PTPRN2: variants seen among roughly 807,000 people sequenced by gnomAD.
PTPRN2 encodes the protein receptor-type tyrosine-protein phosphatase N2.
A neutral mutation model predicts 118.8 loss-of-function variants in PTPRN2; 74 were observed. That is an observed-to-expected ratio of 0.62 (90% CI 0.52 to 0.76). The LOEUF is 0.76. Ranked by LOEUF, PTPRN2 falls within the 30% of genes least tolerant of loss-of-function variation. The pLI, the probability that PTPRN2 is intolerant of heterozygous loss-of-function variation, is 0.00. For synonymous variants in PTPRN2, 641 were observed against 608.0 expected (o/e 1.05, Z -0.80); for missense variants, 1,481 against 1,394.4 (o/e 1.06, Z -0.99).
intron 11 of PTPRN2, among the ~76,000 whole-genome samples, chr7:158,038,074 C>T (rs1181610135): frequency 6.6e-6 from 1 of 152,218 alleles, no homozygotes; most frequent in Non-Finnish European, 1.5e-5. Flanking sequence ...CTACACAGCA[C>T]AGTCAACAGG....
rs534903557 is a variant in PTPRN2, at chr7:157,844,612, G to A, written c.1788+54061C>T. Among the ~76,000 whole-genome samples, 106 of 152,286 alleles carry A rather than the reference G, an allele frequency of 7.0e-4. 1 individual carries two copies. The South Asian group carries it at 0.021, about 29-fold the overall frequency. Reference sequence around the variant, plus strand: ...CTCTAGAAAGAGAAGGCCTTCCACAGCACGACCCCAGGGTGGTGATGAGGG... The same window carrying A: ...CTCTAGAAAGAGAAGGCCTTCCACAACACGACCCCAGGGTGGTGATGAGGG... On this transcript the variant is annotated intron_variant, in intron 12 of 22. Coordinates refer to ENST00000389418, the MANE Select transcript of PTPRN2 (RefSeq NM_002847.5).
rs1373878040 is a variant in PTPRN2, at chr7:157,682,801, C to T, written c.1925G>A (p.Ser642Asn). The T allele has an allele frequency of 1.2e-6, 2 of 1,614,002 alleles. No homozygotes were observed. Among genetic ancestry groups the T allele is most frequent in the Non-Finnish European group, 1.7e-6 (2 of 1,180,054 alleles). ...ASGLIYCLRH[S>N]SQHRLKEKLS... ...CTTCTCCTTCAGCCTGTGCTGAGAGCTATGGCGGAGGCAGTAGATGAGGCC... is the reference window on the plus strand; with the variant it reads ...CTTCTCCTTCAGCCTGTGCTGAGAGTTATGGCGGAGGCAGTAGATGAGGCC... The change falls in exon 13 of 23, where the codon AGC becomes AAC. Residue 642 changes from serine to asparagine, a missense_variant. This residue lies in a region of PTPRN2 where 1,115 missense variants were observed against 994.2 expected (regional missense o/e 1.12). Transcript: ENST00000389418.
chr7:157,941,736 T>C (rs1281358728), intron 11 of PTPRN2, among the ~76,000 whole-genome samples: 1 of 152,198 alleles, frequency 6.6e-6, no homozygotes, highest in Admixed American at 6.5e-5. Context: ...CTCCCTATGC[T>C]GGGCTCTGCA....
intron 12 of PTPRN2, among the ~76,000 whole-genome samples, chr7:157,740,101 C>A (rs925798401): frequency 6.6e-6 from 1 of 152,212 alleles, no homozygotes; most frequent in African/African-American, 2.4e-5. Context: ...GCCAGCAGGA[C>A]CCCTTCCTCC....
intron 22 of PTPRN2, among the ~76,000 whole-genome samples, chr7:157,545,187 GTGTC>G (rs1205352377): frequency 6.8e-6 from 1 of 146,300 alleles, no homozygotes; most frequent in Non-Finnish European, 1.5e-5. Flanking sequence ...GTGTTTGTGG[GTGTC>G]TGTGGGTGTG....
chr7:158,337,252 T>C (rs1468889682), intron 2 of PTPRN2, among the ~76,000 whole-genome samples: 1 of 150,874 alleles, frequency 6.6e-6, no homozygotes, highest in Admixed American at 6.6e-5. Context: ...CCATAAGAGC[T>C]GACACCTGCA....
intron 2 of PTPRN2, among the ~76,000 whole-genome samples, chr7:158,332,749 C>G (rs1804751004): frequency 6.6e-6 from 1 of 151,356 alleles, no homozygotes; most frequent in Non-Finnish European, 1.5e-5. Flanking sequence ...AGAGCTGAGG[C>G]CCACAGAGGA....
chr7:158,021,059 T>G (rs1315797397), intron 11 of PTPRN2, among the ~76,000 whole-genome samples: 1 of 152,200 alleles, frequency 6.6e-6, no homozygotes, highest in Non-Finnish European at 1.5e-5. Flanking sequence ...TTAAAGGCAT[T>G]TATTGCCCTG....
Position 157,674,895 on chromosome 7 carries a change from T to G in PTPRN2, c.2001+7830A>C, listed in dbSNP as rs771389500. ...GAGGCTCCAGGAGCTACCCGAGGCT[T>G]CTTCTCCTTGCCAACAACGATGCCC... On this transcript the variant is annotated intron_variant, in intron 13 of 22. Transcript: ENST00000389418. The surrounding 1 kb of genome is among the most constrained non-coding windows in gnomAD (Gnocchi z 4.5). Among the ~76,000 whole-genome samples, 1 of 152,094 alleles carries G rather than the reference T, an allele frequency of 6.6e-6. No homozygotes were observed.
At chr7:158,127,555 G>T (rs13437762) in intron 9 of PTPRN2, among the ~76,000 whole-genome samples, 52,792 of 152,000 alleles carry the variant, frequency 0.35, 9,427 homozygotes, top group Admixed American at 0.43. Flanking sequence ...CAGCACTGTG[G>T]CCGCCACCCC....
At chr7:158,164,597 G>A (rs1209672110) in intron 6 of PTPRN2, among the ~76,000 whole-genome samples, 2 of 152,188 alleles carry the variant, frequency 1.3e-5, no homozygotes, top group African/African-American at 4.8e-5. Flanking sequence ...TTCTCTCTGT[G>A]AGCTCACCCT....
intron 12 of PTPRN2, among the ~76,000 whole-genome samples, chr7:157,796,219 T>C (rs771094239): frequency 3.3e-5 from 5 of 152,270 alleles, no homozygotes; most frequent in Non-Finnish European, 7.3e-5. Flanking sequence ...ATTTTGTCTC[T>C]GCAAGTATTG....
intron 3 of PTPRN2, among the ~76,000 whole-genome samples, chr7:158,257,021 C>T (rs765915160): frequency 3.3e-4 from 50 of 152,266 alleles, no homozygotes; most frequent in Admixed American, 6.5e-4. Flanking sequence ...TTCCCTGGAA[C>T]AGGCATGAGA....
In PTPRN2 at chr7:157,583,883, AACACACACACACACAC is replaced by A. The variant is rs35071475; in HGVS notation, c.2497-5759_2497-5744del. Reference sequence around the variant, plus strand: ...GGTGACAGAGCGAGACTCTGTCTCAAACACACACACACACACACACACACACACACACACACACACA... The same window carrying A: ...GGTGACAGAGCGAGACTCTGTCTCAAACACACACACACACACACACACACA... On this transcript the variant is annotated intron_variant, in intron 17 of 22. Transcript: ENST00000389418. The surrounding 1 kb of genome is among the most constrained non-coding windows in gnomAD (Gnocchi z 5.5). Among the ~76,000 whole-genome samples, 1,024 of 134,262 alleles carry A rather than the reference AACACACACACACACAC, an allele frequency of 7.6e-3. 14 individuals are homozygous for A. The highest frequency in any genetic ancestry group is 0.025 in the African/African-American group (875 of 35,640). The allele number at this position is 134,262 out of a possible 152,430, so 88.1% of individuals were successfully genotyped here.
chr7:157,546,518 A>G (rs1462999147), intron 22 of PTPRN2, among the ~76,000 whole-genome samples: 1 of 152,180 alleles, frequency 6.6e-6, no homozygotes, highest in Non-Finnish European at 1.5e-5. Flanking sequence ...TATAAGTGGG[A>G]ACAGGCAGTG....
intron 21 of PTPRN2, among the ~76,000 whole-genome samples, chr7:157,551,253 G>C (rs147061773): frequency 1.3e-5 from 2 of 152,092 alleles, no homozygotes; most frequent in Non-Finnish European, 1.5e-5. Context: ...TGTTGCACCC[G>C]TGACTGTACC....
chr7:158,333,261 AGG>A (rs1267106921), intron 2 of PTPRN2, among the ~76,000 whole-genome samples: 226 of 127,682 alleles, frequency 1.8e-3, no homozygotes, highest in African/African-American at 7.2e-3. Flanking sequence ...TGTCGCCCGC[AGG>A]AGTCACTCAC....
intron 1 of PTPRN2, among the ~76,000 whole-genome samples, chr7:158,496,214 CCCCCTTCCCTTCAGCCTTCCCT>C (rs1821833816): frequency 6.9e-6 from 1 of 144,794 alleles, no homozygotes; most frequent in African/African-American, 2.6e-5. Flanking sequence ...CCTGCAGCCT[CCCCCTTCCCTTCAGCCTTCCCT>C]CCCCTTCCCT....
rs551528663 is a variant in PTPRN2 at position 158,268,937 on chromosome 7, G to A, written c.277+47882C>T. On this transcript the variant is annotated intron_variant, in intron 3 of 22. Transcript: ENST00000389418. ...TATCCCAGCCGCGTGCACACAGGGC[G>A]GGTGTGAAATATCGCAGCCACATTG... Among the ~76,000 whole-genome samples the A allele has an allele frequency of 4.6e-5, 7 of 151,544 alleles. No individual in the cohort carries two copies. In the South Asian group the frequency reaches 8.3e-4, roughly 18 times the overall value.
Sources: gnomAD v4.1 joint callset for allele counts (sites outside exome capture counted in the v4.1 genomes callset) on GRCh38, gnomAD v4.1.1 for gene constraint, gnomAD v4.1.1 regional missense constraint, Gnocchi (gnomAD v3.1) non-coding constraint, MANE v1.5 for transcripts, NCBI Gene and HGNC (gene_info 2026-07-23, HGNC 2026-07-21) for gene names.